The following NEDD9 variants were observed in gnomAD, a reference collection of about 807,000 sequenced individuals.
The protein encoded by NEDD9 is neural precursor cell expressed, developmentally down-regulated 9.
Under a neutral mutation model 76.6 loss-of-function variants are expected in NEDD9, and 26 were observed. That is an observed-to-expected ratio of 0.34 (90% CI 0.25 to 0.47). NEDD9 has a LOEUF of 0.47. Among genes scored for constraint, NEDD9 ranks in the 20% least tolerant of loss-of-function variants. NEDD9 has a pLI of 1.00. For missense variants in NEDD9, 937 were observed against 1,058.5 expected, an observed-to-expected ratio of 0.89 and a Z score of 1.59; for synonymous variants, 392 against 414.2, an observed-to-expected ratio of 0.95 and a Z score of 0.65.
intron 3 of NEDD9, among the ~76,000 whole-genome samples, chr6:11,283,357 G>T (rs557337081): frequency 6.6e-6 from 1 of 152,294 alleles, no homozygotes; most frequent in East Asian, 1.9e-4. Flanking sequence ...GTTCACTACT[G>T]TGTCCCCTGC....
intron 1 of NEDD9, among the ~76,000 whole-genome samples, chr6:11,337,984 C>T (rs1312581068): frequency 1.3e-5 from 2 of 152,162 alleles, no homozygotes; most frequent in Non-Finnish European, 2.9e-5. Context: ...GCAAAAACCT[C>T]CCCTCAGTAA....
intron 1 of NEDD9, among the ~76,000 whole-genome samples, chr6:11,355,165 G>A (rs889519528): frequency 6.6e-6 from 1 of 152,180 alleles, no homozygotes; most frequent in African/African-American, 2.4e-5. Flanking sequence ...TCTGAAGTCA[G>A]ATAGAGGAGA....
At chr6:11,355,460 G>T (rs1762547643) in intron 1 of NEDD9, among the ~76,000 whole-genome samples, 1 of 152,192 alleles carries the variant, frequency 6.6e-6, no homozygotes, top group East Asian at 1.9e-4. Flanking sequence ...AACTGTGGGT[G>T]TCGTGAAGTC....
rs560578781 is a variant in NEDD9 at position 11,193,681 on chromosome 6, G to T, written c.471C>A (p.Pro157=). ...GPHVGKKVIT[P]VRTGHGYVYE... is the part of the protein sequence containing the mutation. ...ATACGTAGCCATGGCCTGTCCTCAC[G>T]GGGGTTATCACCTGTGGGAGAGAAG... The change falls in exon 3 of 7, where the codon CCC becomes CCA. Residue 157 remains proline, a synonymous_variant. Transcript: ENST00000379446. The T allele has an allele frequency of 1.9e-6, 3 of 1,612,914 alleles. No homozygotes were observed. The highest frequency in any genetic ancestry group is 2.2e-5 in the East Asian group (1 of 44,858).
At chr6:11,333,148 G>A (rs1762083514) in intron 2 of NEDD9, among the ~76,000 whole-genome samples, 2 of 152,104 alleles carry the variant, frequency 1.3e-5, no homozygotes, top group South Asian at 4.1e-4. Context: ...TATTTAAATA[G>A]CATTTTTTTC....
chr6:11,322,568 C>T (rs1256959293), intron 2 of NEDD9, among the ~76,000 whole-genome samples: 1 of 152,202 alleles, frequency 6.6e-6, no homozygotes, highest in African/African-American at 2.4e-5. Flanking sequence ...CTCCTCTCAA[C>T]CCTGCATCAG....
chr6:11,296,643 T>TTTCC (rs1217042045), intron 3 of NEDD9, among the ~76,000 whole-genome samples: 1 of 134,058 alleles, frequency 7.5e-6, no homozygotes, highest in African/African-American at 2.9e-5. Flanking sequence ...CCTTCCTTCC[T>TTTCC]TTCCTTCCTT....
intron 3 of NEDD9, among the ~76,000 whole-genome samples, chr6:11,300,678 T>C (rs1205063521): frequency 6.6e-6 from 1 of 152,184 alleles, no homozygotes; most frequent in African/African-American, 2.4e-5. Flanking sequence ...GCAGAAACCC[T>C]ACAAGCCAGA....
At chr6:11,380,331 T>C (rs914577180) in intron 1 of NEDD9, among the ~76,000 whole-genome samples, 2 of 151,904 alleles carry the variant, frequency 1.3e-5, no homozygotes, top group Non-Finnish European at 2.9e-5. Context: ...TGATGGGGAG[T>C]GAAGGAGTAT....
intron 2 of NEDD9, among the ~76,000 whole-genome samples, chr6:11,209,695 G>C (rs1027735282): frequency 1.3e-5 from 2 of 152,150 alleles, no homozygotes; most frequent in Non-Finnish European, 2.9e-5. Flanking sequence ...AAGAAACCAA[G>C]GCGTAGAGAT....
intron 2 of NEDD9, among the ~76,000 whole-genome samples, chr6:11,194,549 GT>G (rs1758243666): frequency 6.6e-6 from 1 of 152,164 alleles, no homozygotes; most frequent in African/African-American, 2.4e-5. Flanking sequence ...AAACTGTGCT[GT>G]CCTTAGAAAC....
intron 1 of NEDD9, among the ~76,000 whole-genome samples, chr6:11,347,690 C>T (rs1463484841): frequency 6.6e-6 from 1 of 152,124 alleles, no homozygotes; most frequent in Non-Finnish European, 1.5e-5. Context: ...AAAGACAAGA[C>T]CCACGTGATC....
rs1276125303 is a variant in NEDD9, at chr6:11,291,308, T to C, written c.12+14684A>G. On this transcript the variant is annotated intron_variant, in intron 3 of 3. Coordinates refer to the NEDD9 transcript ENST00000397378. ...TTTTTTTTTTGAGACGGAGTCTCGC[T>C]CTGTCGCCCAGGCTGGAGTGCAGTG... Among the ~76,000 whole-genome samples the C allele has an allele frequency of 4.3e-4, 59 of 136,590 alleles. 1 individual carries two copies. The highest frequency in any genetic ancestry group is 8.1e-4 in the Non-Finnish European group (53 of 65,616). The allele number at this position is 136,590 out of a possible 152,430, so 89.6% of individuals were successfully genotyped here.
chr6:11,231,832 G>A (rs369177600), intron 1 of NEDD9, among the ~76,000 whole-genome samples: 6 of 150,974 alleles, frequency 4.0e-5, no homozygotes, highest in African/African-American at 1.5e-4. Flanking sequence ...ATGACACTCT[G>A]TAAGCTTTCA....
At chr6:11,214,094 G>A (rs1400368760) in intron 1 of NEDD9, 3 of 445,968 alleles carry the variant, frequency 6.7e-6, no homozygotes, top group African/African-American at 6.1e-5. Flanking sequence ...AAAAAATCCC[G>A]AGATATTCAG....
chr6:11,297,109 A>G (rs2113390979), intron 3 of NEDD9, among the ~76,000 whole-genome samples: 1 of 149,324 alleles, frequency 6.7e-6, no homozygotes, highest in Non-Finnish European at 1.5e-5. Flanking sequence ...AAGGTGAAAA[A>G]GCTTTGCAGT....
In NEDD9 at chr6:11,191,157, C is replaced by T; in HGVS notation, c.712G>A (p.Glu238Lys). The T allele has an allele frequency of 1.2e-6, 2 of 1,613,138 alleles. No individual in the cohort carries two copies. The highest frequency in any genetic ancestry group is 1.7e-5 in the Admixed American group (1 of 59,890). Residue 238 changes from glutamate to lysine, a missense_variant, in exon 5 of 7, where the codon GAA becomes AAA. Coordinates refer to ENST00000379446, the MANE Select transcript of NEDD9 (RefSeq NM_006403.4). The part of the protein sequence containing the change: ...SACRDEAGLR[E>K]KDYDFPPPMR... Reference sequence around the variant, plus strand: ...GGAGGGGGGAAGTCATAGTCTTTTTCCCTAAGCCCTGCTTCATCCCGGCAA... The same window carrying T: ...GGAGGGGGGAAGTCATAGTCTTTTTTCCTAAGCCCTGCTTCATCCCGGCAA...
Position 11,211,686 on chromosome 6 carries a change from C to A in NEDD9, c.459+1595G>T, listed in dbSNP as rs185606493. 2.6e-5 allele frequency among the ~76,000 whole-genome samples: 4 copies of A among 152,322 alleles called. No individual in the cohort carries two copies. The East Asian group carries it at 7.7e-4, about 29-fold the overall frequency. On this transcript the variant is annotated intron_variant, in intron 2 of 6. Transcript: ENST00000379446. ...TCAGTTTATCACCTCTAGGCAGCAT[C>A]GTTGTCGTGGGCAGTACAAGTCTAA...
intron 1 of NEDD9, among the ~76,000 whole-genome samples, chr6:11,375,000 C>T (rs1762948774): frequency 1.3e-5 from 2 of 152,168 alleles, no homozygotes; most frequent in Admixed American, 1.3e-4. Flanking sequence ...TGTCCCCTAG[C>T]TAAAACCTGC....
Sources: allele counts gnomAD v4.1 joint callset (sites outside exome capture counted in the v4.1 genomes callset), GRCh38; gene constraint gnomAD v4.1.1; transcripts MANE v1.5; gene names NCBI Gene and HGNC (gene_info 2026-07-23, HGNC 2026-07-21).